Variants in WDR41 observed in about 807,000 individuals in gnomAD.
WDR41 encodes WD repeat-containing protein 41.
Under a neutral mutation model 69.3 loss-of-function variants are expected in WDR41, and 63 were observed. That is an observed-to-expected ratio of 0.91 (90% CI 0.74 to 1.12). WDR41 has a LOEUF of 1.12. Ranked by LOEUF, WDR41 falls within the 50% of genes most tolerant of loss-of-function variation. The probability of loss-of-function intolerance (pLI) is 0.00; values close to 1 mark genes in which losing one functional copy is unlikely to be tolerated. For synonymous variants in WDR41, 185 were observed against 192.1 expected, an observed-to-expected ratio of 0.96 and a Z score of 0.31; for missense variants, 543 against 534.5, an observed-to-expected ratio of 1.02 and a Z score of -0.16.
chr5:77,469,621 T>C (rs1423941280), intron 2 of WDR41, among the ~76,000 whole-genome samples: 1 of 152,166 alleles, frequency 6.6e-6, no homozygotes, highest in East Asian at 1.9e-4. Flanking sequence ...CAATAATCAC[T>C]GCCTGAAGTC....
At chr5:77,512,331 T>TGAGTGAGAGAGAGAGAGAGAGAGAGA (rs1554034068) in intron 1 of WDR41, among the ~76,000 whole-genome samples, 3 of 87,934 alleles carry the variant, frequency 3.4e-5, no homozygotes, top group African/African-American at 1.6e-4. Flanking sequence ...ATGGGGTGAG[T>TGAGTGAGAGAGAGAGAGAGAGAGAGA]GAGAGAGAGA....
intron 1 of WDR41, among the ~76,000 whole-genome samples, chr5:77,552,702 A>C (rs940367873): frequency 6.6e-6 from 1 of 152,172 alleles, no homozygotes; most frequent in East Asian, 1.9e-4. Context: ...TAGACACATG[A>C]ATCAACGGAG....
At chr5:77,452,215 A>G (rs1220422015) in intron 6 of WDR41, 1 of 152,190 alleles carries the variant, frequency 6.6e-6, no homozygotes, top group African/African-American at 2.4e-5. Context: ...GTATTTTCCC[A>G]TGTACAAGAA....
intron 1 of WDR41, among the ~76,000 whole-genome samples, chr5:77,609,498 C>T (rs552223661): frequency 4.6e-5 from 7 of 152,160 alleles, no homozygotes; most frequent in East Asian, 1.9e-4. Flanking sequence ...TCACAGTTCA[C>T]GAAAATCCGC....
At chr5:77,496,069 C>A (rs934106521), upstream of WDR41, among the ~76,000 whole-genome samples, 1 of 151,982 alleles carries the variant, frequency 6.6e-6, no homozygotes, top group Non-Finnish European at 1.5e-5. Context: ...ATCCAACACC[C>A]TTTTATCACA....
upstream of WDR41, among the ~76,000 whole-genome samples, chr5:77,493,975 T>C (rs1014595770): frequency 1.3e-5 from 2 of 152,064 alleles, no homozygotes; most frequent in African/African-American, 4.8e-5. Flanking sequence ...TTTTACAAGA[T>C]TAGTATATTA....
At chr5:77,574,237 G>A (rs1163775310) in intron 1 of WDR41, among the ~76,000 whole-genome samples, 2 of 152,134 alleles carry the variant, frequency 1.3e-5, no homozygotes, top group Non-Finnish European at 2.9e-5. Context: ...GGCGAAGGGT[G>A]CAGTGAGCCG....
chr5:77,537,868 T>C (rs1166548967), intron 1 of WDR41, among the ~76,000 whole-genome samples: 1 of 152,112 alleles, frequency 6.6e-6, no homozygotes, highest in African/African-American at 2.4e-5. Flanking sequence ...AAATGAGAGA[T>C]TATTTAAATG....
chr5:77,611,325 C>G (rs1744545267), intron 1 of WDR41, among the ~76,000 whole-genome samples: 2 of 152,364 alleles, frequency 1.3e-5, no homozygotes, highest in South Asian at 4.1e-4. Context: ...ATCTACAGAA[C>G]TCTCCACCCC....
intron 2 of WDR41, among the ~76,000 whole-genome samples, chr5:77,487,942 G>A (rs144947997): frequency 3.7e-4 from 57 of 152,316 alleles, no homozygotes; most frequent in Non-Finnish European, 6.2e-4. Context: ...CCAAGAGGGC[G>A]AGGAGTCTTG....
At chr5:77,450,364 T>C (rs1799577023) in intron 7 of WDR41, among the ~76,000 whole-genome samples, 1 of 152,232 alleles carries the variant, frequency 6.6e-6, no homozygotes, top group African/African-American at 2.4e-5. Context: ...CATATACCAT[T>C]AAATTATAAA....
At chr5:77,607,765 A>G (rs1230424259) in intron 1 of WDR41, among the ~76,000 whole-genome samples, 1 of 152,258 alleles carries the variant, frequency 6.6e-6, no homozygotes, top group African/African-American at 2.4e-5. Context: ...CTTTTAAAGT[A>G]TATGCTTATC....
chr5:77,509,576 G>A (rs550426533), intron 1 of WDR41, among the ~76,000 whole-genome samples: 10 of 152,214 alleles, frequency 6.6e-5, no homozygotes, highest in African/African-American at 1.7e-4. Flanking sequence ...AAACATTAGC[G>A]AAGTGAAAGA....
chr5:77,476,164 G>A (rs1003486814), intron 2 of WDR41, among the ~76,000 whole-genome samples: 2 of 152,136 alleles, frequency 1.3e-5, no homozygotes, highest in African/African-American at 4.8e-5. Flanking sequence ...CAAGAAATAT[G>A]GGACTATGTG....
chr5:77,434,225 C>CGCTT (rs1798847923), intron 12 of WDR41, among the ~76,000 whole-genome samples: 1 of 151,936 alleles, frequency 6.6e-6, no homozygotes, highest in Admixed American at 6.6e-5. Flanking sequence ...GAAAGAGAAT[C>CGCTT]GCTTGAACCC....
chr5:77,528,812 C>A (rs541619632), intron 1 of WDR41, among the ~76,000 whole-genome samples: 2 of 151,538 alleles, frequency 1.3e-5, no homozygotes, highest in South Asian at 4.2e-4. Flanking sequence ...GAAAAATTAC[C>A]TGACAAAATT....
rs569635883 is a variant in WDR41 at position 77,607,087 on chromosome 5, A to T, written c.42+13392T>A. 7.9e-5 allele frequency among the ~76,000 whole-genome samples: 12 copies of T among 152,198 alleles called. No homozygotes were observed. The South Asian group carries it at 2.5e-3, about 32-fold the overall frequency. On this transcript the variant is annotated intron_variant, in intron 1 of 5. Transcript: ENST00000509971. ...AGTACACATGGAGAGAAAAGCAAAA[A>T]GCTCAGGAGGATGAGCAAAAAACAA...
At chr5:77,463,895 G>C (rs921219370) in intron 3 of WDR41, among the ~76,000 whole-genome samples, 13 of 149,800 alleles carry the variant, frequency 8.7e-5, no homozygotes, top group Non-Finnish European at 1.6e-4. Context: ...CACAGGCAAA[G>C]CCATTGAAAA....
intron 1 of WDR41, among the ~76,000 whole-genome samples, chr5:77,541,773 A>G (rs1743092893): frequency 6.6e-6 from 1 of 152,176 alleles, no homozygotes. Flanking sequence ...GATTAGAAGC[A>G]TGAGCAACCA....
Sources: gnomAD v4.1 joint callset for allele counts (sites outside exome capture counted in the v4.1 genomes callset) on GRCh38, gnomAD v4.1.1 for gene constraint, MANE v1.5 for transcripts, NCBI Gene and HGNC (gene_info 2026-07-23, HGNC 2026-07-21) for gene names.